The following ENTPD4 variants were observed in gnomAD, a reference collection of about 807,000 sequenced individuals.
The protein encoded by ENTPD4 is ectonucleoside triphosphate diphosphohydrolase 4.
A neutral mutation model predicts 79.1 loss-of-function variants in ENTPD4; 60 were observed. The ratio of observed to expected loss-of-function variants is 0.76; its 90% CI spans 0.62 to 0.94. ENTPD4 has a LOEUF of 0.94. Ranked by LOEUF, ENTPD4 falls within the 40% of genes least tolerant of loss-of-function variation. ENTPD4 has a pLI of 0.00. For missense variants in ENTPD4, 772 were observed against 775.1 expected (o/e 1.00, Z 0.05); for synonymous variants, 276 against 292.0 (o/e 0.95, Z 0.56).
In ENTPD4 at chr8:23,447,852, TG is replaced by T. The variant is rs1310690813; in HGVS notation, c.239del (p.Thr80LysfsTer8). 4.3e-6 allele frequency: 7 copies of T among 1,614,128 alleles called. No individual in the cohort carries two copies. In the African/African-American group the frequency reaches 9.3e-5, roughly 22 times the overall value. On this transcript the variant is annotated frameshift_variant, in exon 4 of 13. Transcript: ENST00000358689. LOFTEE classifies it high-confidence loss of function. ...AGTTCACATTGGGGTTATTGGTGTC[TG>T]TAGCTTCAATGTCGGTAACTCGTGC... ...YLARVTDIEATDTNNPNVNYG... is the reference protein window; with the variant it reads ...YLARVTDIEAXDTNNPNVNYG...
chr8:23,446,095 G>A (rs1800759046), intron 4 of ENTPD4, among the ~76,000 whole-genome samples: 1 of 152,178 alleles, frequency 6.6e-6, no homozygotes. Context: ...CTAGAGCCTT[G>A]CTGCAATGTT....
chr8:23,454,960 C>T (rs1800932291), intron 1 of ENTPD4, among the ~76,000 whole-genome samples: 1 of 152,164 alleles, frequency 6.6e-6, no homozygotes, highest in Non-Finnish European at 1.5e-5. Context: ...GAGGCAAATT[C>T]AGTAATACCA....
At chr8:23,449,401 T>A (rs567250336) in intron 2 of ENTPD4, among the ~76,000 whole-genome samples, 1 of 152,208 alleles carries the variant, frequency 6.6e-6, no homozygotes, top group South Asian at 2.1e-4. Flanking sequence ...ACACCAGAAA[T>A]ATACAAATAG....
chr8:23,431,485 T>C lies in ENTPD4; in HGVS notation c.*1441A>G. 10 of 985,414 alleles carry C rather than the reference T, an allele frequency of 1.0e-5. No individual in the cohort carries two copies. Among genetic ancestry groups the C allele is most frequent in the Non-Finnish European group, 1.2e-5 (10 of 829,926 alleles). The allele number at this position is 985,414 out of a possible 1,614,324, so 61.0% of individuals were successfully genotyped here. On this transcript the variant is annotated 3_prime_UTR_variant, in exon 13 of 13. Transcript: ENST00000358689. ...CCAATCTCACATATGCCAATCCAAT[T>C]GTCCTTTTTAGATTTTGGCTTAAAT...
chr8:23,434,226 C>A, intron 12 of ENTPD4, 91 bp downstream of exon 12: 1 of 1,519,800 alleles, frequency 6.6e-7, no homozygotes, highest in Non-Finnish European at 9.0e-7. Context: ...AACAGCAATG[C>A]CCCAAACAGC....
At chr8:23,453,761 T>G (rs536647224) in intron 1 of ENTPD4, among the ~76,000 whole-genome samples, 2 of 152,236 alleles carry the variant, frequency 1.3e-5, no homozygotes, top group South Asian at 4.1e-4. Flanking sequence ...TATCCTCTGC[T>G]CTACCCATCA....
Position 23,437,039 on chromosome 8 carries a change from G to C in ENTPD4, c.1269C>G (p.Phe423Leu), listed in dbSNP as rs1334003941. The C allele has an allele frequency of 1.2e-6, 2 of 1,613,840 alleles. No homozygotes were observed. ...AGAAGCCATAGAATTCACTGTTCTG[G>C]AAGTGAATTGGGGGCTGGTAGACCC... ...LNGVYQPPIH[F>L]QNSEFYGFSE... The change falls in exon 10 of 13, where the codon TTC becomes TTG. Residue 423 changes from phenylalanine (F) to leucine (L), a missense_variant. Phe to Leu is a conservative substitution (Grantham distance 22, BLOSUM62 0). Transcript: ENST00000358689.
rs901851192 is a variant in ENTPD4, at chr8:23,431,085, C to T, written c.*1841G>A. The stretch of plus-strand genomic sequence containing the variant: ...TCAGATGCATTTTACCTTCCAGAGA[C>T]GCAGGTTAAGCTGCACCTGAGGCAG... On this transcript the variant is annotated 3_prime_UTR_variant, in exon 13 of 13. Transcript: ENST00000358689. 1.9e-5 allele frequency: 13 copies of T among 679,274 alleles called. No homozygotes were observed. The highest frequency in any genetic ancestry group is 1.4e-4 in the East Asian group (1 of 7,362). The allele number at this position is 679,274 out of a possible 1,614,324, so 42.1% of individuals were successfully genotyped here.
intron 6 of ENTPD4, among the ~76,000 whole-genome samples, chr8:23,443,622 A>C (rs535856968): frequency 2.0e-5 from 3 of 152,254 alleles, no homozygotes; most frequent in African/African-American, 7.2e-5. Flanking sequence ...AAGCTATGTC[A>C]CTACATGTGG....
chr8:23,433,347 A>G (rs1800495534), intron 12 of ENTPD4, among the ~76,000 whole-genome samples, 193 bp from the exon 13 acceptor site: 1 of 152,148 alleles, frequency 6.6e-6, no homozygotes, highest in Non-Finnish European at 1.5e-5. Context: ...GTGAAAGTAT[A>G]CTCTGAAGTC....
intron 10 of ENTPD4, 148 bp downstream of exon 10, chr8:23,436,786 C>A: frequency 1.4e-6 from 1 of 692,932 alleles, no homozygotes; most frequent in East Asian, 2.5e-5. Context: ...AACCTCCCTC[C>A]AAGCAAAGGG....
rs547793484 is a variant in ENTPD4 at position 23,441,444 on chromosome 8, T to C, written c.882+125A>G. ...TTCGTCCTGTCTCCTTTCTCCTGGGTTGAGAGGCGGCACCTCAGCCAGCAC... is the reference window on the plus strand; with the variant it reads ...TTCGTCCTGTCTCCTTTCTCCTGGGCTGAGAGGCGGCACCTCAGCCAGCAC... On this transcript the variant is annotated intron_variant, in intron 8 of 12. Coordinates refer to ENST00000358689, the MANE Select transcript of ENTPD4 (RefSeq NM_004901.5). 2.6e-5 allele frequency: 39 copies of C among 1,498,082 alleles called. No homozygotes were observed. The African/African-American group carries it at 4.5e-4, about 17-fold the overall frequency. 92.8% of individuals were successfully genotyped at this position (1,498,082 alleles called of 1,614,324 possible). A position where few individuals can be genotyped will look rare whatever the true frequency, so the allele number is the denominator to read the frequency against.
intron 4 of ENTPD4, 74 bp downstream of exon 4, chr8:23,447,606 G>T (rs535643132): frequency 7.5e-6 from 9 of 1,195,960 alleles, no homozygotes; most frequent in African/African-American, 7.5e-5. Flanking sequence ...TGTAGAAAGG[G>T]AACGATATGA....
intron 1 of ENTPD4, among the ~76,000 whole-genome samples, chr8:23,452,334 G>C (rs531379192): frequency 1.4e-4 from 21 of 152,262 alleles, no homozygotes; most frequent in African/African-American, 5.1e-4. Context: ...CTCTACACTA[G>C]AGTGACATTT....
chr8:23,444,737 C>A lies in ENTPD4; in HGVS notation c.413-131G>T, dbSNP rs1429363656. Reference sequence around the variant, plus strand: ...TCCTTAGTTTTTCCTATCCTTCTAGCAACTTCTTCTGCAGACCTTACTTAA... The same window carrying A: ...TCCTTAGTTTTTCCTATCCTTCTAGAAACTTCTTCTGCAGACCTTACTTAA... On this transcript the variant is annotated intron_variant, in intron 4 of 12. Transcript: ENST00000358689. The A allele has an allele frequency of 8.1e-6, 6 of 739,826 alleles. No individual in the cohort carries two copies. In the East Asian group the frequency reaches 1.6e-4, roughly 20 times the overall value. The allele number at this position is 739,826 out of a possible 1,614,324, so 45.8% of individuals were successfully genotyped here. A position where few individuals can be genotyped will look rare whatever the true frequency, so the allele number is the denominator to read the frequency against.
chr8:23,439,676 T>G (rs1219247753), intron 9 of ENTPD4, 73 bp downstream of exon 9: 2 of 1,409,594 alleles, frequency 1.4e-6, no homozygotes, highest in African/African-American at 1.4e-5. Context: ...TCTTCCCACT[T>G]TGCCTGGGTC....
rs1193339084 is a variant in ENTPD4 at position 23,432,047 on chromosome 8, A to C, written c.*879T>G. ...CGCACAAAGCTGTAGTCGATAGTTC[A>C]CTATCACTTTTATAAATGGTTATCT... On this transcript the variant is annotated 3_prime_UTR_variant, in exon 13 of 13. Transcript: ENST00000358689. 4.1e-6 allele frequency: 4 copies of C among 985,252 alleles called. No homozygotes were observed. Among genetic ancestry groups the C allele is most frequent in the Non-Finnish European group, 4.8e-6 (4 of 829,930 alleles). The allele number at this position is 985,252 out of a possible 1,614,324, so 61.0% of individuals were successfully genotyped here.
At position 23,441,676 on chromosome 8, in the gene ENTPD4, C is replaced by T. The variant is rs200771960; in HGVS notation, c.775G>A (p.Glu259Lys). The T allele has an allele frequency of 6.3e-5, 101 of 1,613,998 alleles. No homozygotes were observed. Among genetic ancestry groups the T allele is most frequent in the Non-Finnish European group, 8.3e-5 (98 of 1,180,038 alleles). Reference sequence around the variant, plus strand: ...GCTGTCCTTTTACGGACAATGGCTTCGCTGCTTTCACTTCCAGGAATGTTA... The same window carrying T: ...GCTGTCCTTTTACGGACAATGGCTTTGCTGCTTTCACTTCCAGGAATGTTA... ...EVNIPGSESS[E>K]AIVRKRTAGI... Residue 259 changes from glutamate (E) to lysine (K), a missense_variant, in exon 8 of 13, where the codon GAA becomes AAA. Transcript: ENST00000358689.
At chr8:23,441,388 C>T in intron 8 of ENTPD4, 181 bp downstream of exon 8, 1 of 984,950 alleles carries the variant, frequency 1.0e-6, no homozygotes, top group Non-Finnish European at 1.2e-6. Context: ...TCAATGAACA[C>T]ACACAAGCGG....
Sources: gnomAD v4.1 joint callset for allele counts (sites outside exome capture counted in the v4.1 genomes callset) on GRCh38, gnomAD v4.1.1 for gene constraint, MANE v1.5 for transcripts, NCBI Gene and HGNC (gene_info 2026-07-23, HGNC 2026-07-21) for gene names.